TAOK3: variants seen among roughly 807,000 people sequenced by gnomAD.
TAOK3 encodes the protein TAO kinase 3.
A neutral mutation model predicts 120.4 loss-of-function variants in TAOK3; 40 were observed. The ratio of observed to expected loss-of-function variants is 0.33; its 90% CI spans 0.26 to 0.43. TAOK3 has a LOEUF of 0.43. Ranked by LOEUF, TAOK3 falls within the 20% of genes least tolerant of loss-of-function variation. The pLI is 1.00. For synonymous variants in TAOK3, 355 were observed against 387.5 expected (o/e 0.92, Z 0.99); for missense variants, 821 against 1,112.1 (o/e 0.74, Z 3.72).
At chr12:118,317,950 C>A (rs1315574435) in intron 1 of TAOK3, among the ~76,000 whole-genome samples, 1 of 152,018 alleles carries the variant, frequency 6.6e-6, no homozygotes, top group Non-Finnish European at 1.5e-5. Context: ...GAACTGACAG[C>A]CCAGAAATAA....
rs371125415 is a variant in TAOK3 at position 118,182,623 on chromosome 12, A to ATATATTTTTTT, written c.1330-1017_1330-1016insAAAAAAATATA. Among the ~76,000 whole-genome samples, 230 of 92,350 alleles carry ATATATTTTTTT rather than the reference A, an allele frequency of 2.5e-3. 3 individuals are homozygous for ATATATTTTTTT. The highest frequency in any genetic ancestry group is 0.011 in the African/African-American group (215 of 20,218). The allele number at this position is 92,350 out of a possible 152,430, so 60.6% of individuals were successfully genotyped here. On this transcript the variant is annotated intron_variant, in intron 14 of 20. Coordinates refer to ENST00000392533, the MANE Select transcript of TAOK3 (RefSeq NM_016281.4). ...TGTATATATATATATATATATATATATTTTTTTTTTTTTTTAAGGATCATG... is the reference window on the plus strand; with the variant it reads ...TGTATATATATATATATATATATATATATATTTTTTTTTTTTTTTTTTTTTTAAGGATCATG...
chr12:118,335,907 T>C lies in TAOK3; in HGVS notation c.-194+36741A>G, dbSNP rs530000338. On this transcript the variant is annotated intron_variant, in intron 1 of 20. Coordinates refer to ENST00000392533, the MANE Select transcript of TAOK3 (RefSeq NM_016281.4). ...TAGATATAAACTTTAAAAACATGTC[T>C]ATAAATATTCATGGTGACAATTCCA... is the stretch of plus-strand genomic sequence containing the variant. 2.6e-5 allele frequency among the ~76,000 whole-genome samples: 4 copies of C among 152,320 alleles called. No individual in the cohort carries two copies. The East Asian group carries it at 7.7e-4, about 29-fold the overall frequency.
chr12:118,330,520 G>A (rs749211877), intron 1 of TAOK3, among the ~76,000 whole-genome samples: 25 of 152,126 alleles, frequency 1.6e-4, no homozygotes, highest in Admixed American at 1.3e-4. Context: ...AAGATATGGT[G>A]TAAGTGTATG....
chr12:118,177,364 T>C (rs934229719), intron 15 of TAOK3, 35 bp from the exon 16 acceptor site: 3 of 1,605,418 alleles, frequency 1.9e-6, no homozygotes, highest in African/African-American at 1.3e-5. Context: ...AGGATGAATC[T>C]ATTCTTTACA....
intron 1 of TAOK3, among the ~76,000 whole-genome samples, chr12:118,355,002 C>T (rs1187867089): frequency 6.6e-6 from 1 of 152,032 alleles, no homozygotes; most frequent in East Asian, 1.9e-4. Context: ...GAGGCTGAGG[C>T]TGTGGTGAGC....
At chr12:118,334,464 A>G (rs1166206470) in intron 1 of TAOK3, among the ~76,000 whole-genome samples, 1 of 152,198 alleles carries the variant, frequency 6.6e-6, no homozygotes, top group African/African-American at 2.4e-5. Context: ...GCTAGGGAGA[A>G]ATGGGGAGTT....
At chr12:118,250,367 T>C (rs917969578) in intron 3 of TAOK3, among the ~76,000 whole-genome samples, 7 of 152,188 alleles carry the variant, frequency 4.6e-5, no homozygotes, top group African/African-American at 9.7e-5. Flanking sequence ...TCTCAGCTGA[T>C]TGATTTTACA....
At chr12:118,217,797 A>ATATGTG (rs2038985298) in intron 9 of TAOK3, among the ~76,000 whole-genome samples, 1 of 65,246 alleles carries the variant, frequency 1.5e-5, no homozygotes, top group Non-Finnish European at 3.3e-5. Context: ...GTATGTATGT[A>ATATGTG]TGTGTGTGTG....
chr12:118,209,311 T>C (rs1284390596), intron 11 of TAOK3, among the ~76,000 whole-genome samples: 3 of 152,230 alleles, frequency 2.0e-5, no homozygotes, highest in African/African-American at 7.2e-5. Flanking sequence ...TTTATATGCA[T>C]AAAATATCAC....
rs1393830057 is a variant in TAOK3 at position 118,150,888 on chromosome 12, G to A, written c.*109C>T. On this transcript the variant is annotated 3_prime_UTR_variant, in exon 21 of 21. Transcript: ENST00000392533. ...GATGTCAGTAAGAGTAAGAGAGAGAGAGAGTGAGAGCAACGCCCGTTAAAA... is the reference window on the plus strand; with the variant it reads ...GATGTCAGTAAGAGTAAGAGAGAGAAAGAGTGAGAGCAACGCCCGTTAAAA... 24 of 1,118,874 alleles carry A rather than the reference G, an allele frequency of 2.1e-5. No homozygotes were observed. Among genetic ancestry groups the A allele is most frequent in the Non-Finnish European group, 2.8e-5 (22 of 798,754 alleles). The allele number at this position is 1,118,874 out of a possible 1,614,324, so 69.3% of individuals were successfully genotyped here.
At chr12:118,172,707 G>C (rs1286096587) in intron 16 of TAOK3, 47 bp from the exon 17 acceptor site, 1 of 1,483,158 alleles carries the variant, frequency 6.7e-7, no homozygotes, top group Non-Finnish European at 9.4e-7. Context: ...AAATGAAAGG[G>C]ACTGTAACAG....
chr12:118,289,816 G>A (rs1401407313), intron 1 of TAOK3, among the ~76,000 whole-genome samples: 4 of 151,926 alleles, frequency 2.6e-5, no homozygotes, highest in African/African-American at 7.3e-5. Context: ...CAAACATGGC[G>A]AAACCCCCAT....
intron 3 of TAOK3, among the ~76,000 whole-genome samples, chr12:118,251,763 A>C (rs1219697604): frequency 6.6e-6 from 1 of 152,144 alleles, no homozygotes; most frequent in Non-Finnish European, 1.5e-5. Context: ...AGTAAGTTTC[A>C]AAGCATGCTT....
At chr12:118,253,266 A>G (rs2040833501) in intron 3 of TAOK3, among the ~76,000 whole-genome samples, 1 of 152,222 alleles carries the variant, frequency 6.6e-6, no homozygotes, top group Non-Finnish European at 1.5e-5. Flanking sequence ...ACAACTAAAG[A>G]TAAGCCCTAT....
chr12:118,345,107 G>T (rs1172492355), intron 1 of TAOK3, among the ~76,000 whole-genome samples: 2 of 152,148 alleles, frequency 1.3e-5, no homozygotes, highest in East Asian at 3.8e-4. Flanking sequence ...CTTTCTGGAA[G>T]CAGCTTCCAC....
chr12:118,231,226 A>C (rs2039766104), intron 9 of TAOK3, among the ~76,000 whole-genome samples: 1 of 152,134 alleles, frequency 6.6e-6, no homozygotes, highest in South Asian at 2.1e-4. Flanking sequence ...GTGTGTTGGC[A>C]GGGGTGGTGT....
At chr12:118,177,425 CTAA>C (rs2036411599) in intron 15 of TAOK3, 96 bp from the exon 16 acceptor site, 4 of 840,824 alleles carry the variant, frequency 4.8e-6, no homozygotes, top group Middle Eastern at 2.4e-4. Flanking sequence ...TCCATGAGTG[CTAA>C]TAATGAGACA....
chr12:118,298,968 C>T (rs1035778487), intron 1 of TAOK3, among the ~76,000 whole-genome samples: 3 of 152,166 alleles, frequency 2.0e-5, no homozygotes, highest in Non-Finnish European at 4.4e-5. Context: ...GGTACTACTT[C>T]CCTAGCTTTC....
chr12:118,262,576 C>T (rs540367928), intron 2 of TAOK3, among the ~76,000 whole-genome samples: 25 of 152,074 alleles, frequency 1.6e-4, no homozygotes, highest in African/African-American at 5.8e-4. Context: ...CCTATAATCC[C>T]AGTACTTTGG....
Sources: gnomAD v4.1 joint callset for allele counts (sites outside exome capture counted in the v4.1 genomes callset) on GRCh38, gnomAD v4.1.1 for gene constraint, MANE v1.5 for transcripts, NCBI Gene and HGNC (gene_info 2026-07-23, HGNC 2026-07-21) for gene names.